MGAT4C: variants seen among roughly 807,000 people sequenced by gnomAD.
MGAT4C encodes the protein MGAT4 family member C.
In MGAT4C, 19 loss-of-function variants were observed where a neutral mutation model predicts 40.1. The observed-to-expected ratio is 0.47, with a 90% CI of 0.33 to 0.70. The LOEUF is 0.70. Among genes scored for constraint, MGAT4C ranks in the 30% least tolerant of loss-of-function variants. MGAT4C has a pLI of 0.02. For missense variants in MGAT4C, 491 were observed against 563.2 expected (o/e 0.87, Z 1.30); for synonymous variants, 181 against 187.1 (o/e 0.97, Z 0.27).
intron 2 of MGAT4C, among the ~76,000 whole-genome samples, chr12:86,602,810 C>T (rs184726226): frequency 1.3e-3 from 196 of 152,014 alleles, no homozygotes; most frequent in African/African-American, 4.5e-3. Flanking sequence ...AGTAGAATTA[C>T]CATACGATGC....
At chr12:86,807,461 T>A (rs1952380033) in intron 1 of MGAT4C, among the ~76,000 whole-genome samples, 1 of 152,096 alleles carries the variant, frequency 6.6e-6, no homozygotes, top group Non-Finnish European at 1.5e-5. Context: ...ATTTTATTCC[T>A]TTTTTGTGGC....
In MGAT4C at chr12:85,956,002, T is replaced by C. The variant is rs1443614077; in HGVS notation, c.*23287A>G. ...TTTTTGATGAAATTAAGTCCATGAA[T>C]ACATATAGTAAAATGTAGAGGTTTT... is the stretch of plus-strand genomic sequence containing the variant. On this transcript the variant is annotated 3_prime_UTR_variant, in exon 5 of 5. Transcript: ENST00000611864. 2.0e-5 allele frequency: 3 copies of C among 152,212 alleles called. No individual in the cohort carries two copies. The allele number at this position is 152,212 out of a possible 1,614,324, so 9.4% of individuals were successfully genotyped here.
chr12:86,410,692 T>C (rs559002559), intron 3 of MGAT4C, among the ~76,000 whole-genome samples: 2 of 152,288 alleles, frequency 1.3e-5, no homozygotes, highest in African/African-American at 4.8e-5. Context: ...AAGACAGGCA[T>C]AAGAAATTAT....
chr12:86,720,581 A>G (rs942682955), intron 2 of MGAT4C, among the ~76,000 whole-genome samples: 13 of 152,136 alleles, frequency 8.5e-5, no homozygotes, highest in South Asian at 2.1e-4. Flanking sequence ...CTTACTCCCT[A>G]TATCTCCTTT....
intron 1 of MGAT4C, among the ~76,000 whole-genome samples, chr12:86,132,735 T>G (rs1485575516): frequency 7.2e-6 from 1 of 138,868 alleles, no homozygotes; most frequent in Non-Finnish European, 1.5e-5. Context: ...GAGCTTGCTG[T>G]GAGCAGAGAT....
chr12:86,402,659 A>T (rs1956390447), intron 3 of MGAT4C, among the ~76,000 whole-genome samples: 1 of 152,018 alleles, frequency 6.6e-6, no homozygotes, highest in Non-Finnish European at 1.5e-5. Flanking sequence ...ATTTACCATG[A>T]TTTTTTCTAT....
chr12:86,317,735 C>T (rs1954278513), intron 4 of MGAT4C, among the ~76,000 whole-genome samples: 1 of 151,630 alleles, frequency 6.6e-6, no homozygotes, highest in Non-Finnish European at 1.5e-5. Context: ...ATAAATAACA[C>T]TGGAATGAAC....
intron 1 of MGAT4C, among the ~76,000 whole-genome samples, chr12:86,734,417 T>G (rs1473247582): frequency 6.6e-6 from 1 of 152,012 alleles, no homozygotes; most frequent in East Asian, 1.9e-4. Context: ...CGGAGCAGCG[T>G]GTCCTTCATT....
At chr12:86,248,520 G>A (rs1487512578) in intron 1 of MGAT4C, among the ~76,000 whole-genome samples, 1 of 151,850 alleles carries the variant, frequency 6.6e-6, no homozygotes, top group Non-Finnish European at 1.5e-5. Flanking sequence ...GTTATCACTT[G>A]CACGCTCTTA....
chr12:86,502,375 C>T lies in MGAT4C; in HGVS notation c.-228-67110G>A, dbSNP rs1006857850. 4.0e-5 allele frequency among the ~76,000 whole-genome samples: 6 copies of T among 151,858 alleles called. No homozygotes were observed. The South Asian group carries it at 6.2e-4, about 16-fold the overall frequency. ...GAAGAAAATATCATTAGGTAGAACC[C>T]AGGGGATCTTTAGGGCACTGAAACT... On this transcript the variant is annotated intron_variant, in intron 2 of 7. Transcript: ENST00000548651.
At chr12:86,280,306 A>T (rs1953184406) in intron 4 of MGAT4C, among the ~76,000 whole-genome samples, 3 of 151,960 alleles carry the variant, frequency 2.0e-5, no homozygotes, top group African/African-American at 7.2e-5. Flanking sequence ...TTTGCTTCAT[A>T]TATCTACGTT....
intron 1 of MGAT4C, among the ~76,000 whole-genome samples, chr12:86,090,696 C>G (rs1000334500): frequency 1.3e-5 from 2 of 151,852 alleles, no homozygotes; most frequent in African/African-American, 2.4e-5. Context: ...ACAATTTACT[C>G]ACACTCTTTC....
At chr12:86,434,302 T>C (rs1484512315) in intron 3 of MGAT4C, among the ~76,000 whole-genome samples, 3 of 151,982 alleles carry the variant, frequency 2.0e-5, no homozygotes, top group Non-Finnish European at 2.9e-5. Context: ...GGAAGGGCCA[T>C]ATAAATGAAA....
chr12:86,664,713 T>A (rs1964061513), intron 2 of MGAT4C, among the ~76,000 whole-genome samples: 7 of 152,124 alleles, frequency 4.6e-5, no homozygotes, highest in Admixed American at 4.6e-4. Context: ...TAAAGAAGAT[T>A]AAAAAATCTT....
intron 3 of MGAT4C, among the ~76,000 whole-genome samples, chr12:86,423,300 G>T (rs532650444): frequency 9.3e-4 from 141 of 151,700 alleles, no homozygotes; most frequent in African/African-American, 3.3e-3. Flanking sequence ...TGACATCTAT[G>T]AAGCAATATT....
intron 3 of MGAT4C, among the ~76,000 whole-genome samples, chr12:86,430,413 C>T (rs1242277889): frequency 6.6e-6 from 1 of 152,122 alleles, no homozygotes; most frequent in Non-Finnish European, 1.5e-5. Flanking sequence ...CAGGGATACA[C>T]ATGCATTATT....
chr12:86,029,694 G>A (rs1448298960), intron 2 of MGAT4C, among the ~76,000 whole-genome samples: 1 of 151,752 alleles, frequency 6.6e-6, no homozygotes, highest in Non-Finnish European at 1.5e-5. Context: ...TAATACTGTT[G>A]CCCATGATAT....
At chr12:86,705,212 T>TTA (rs1950432396) in intron 2 of MGAT4C, among the ~76,000 whole-genome samples, 1 of 133,866 alleles carries the variant, frequency 7.5e-6, no homozygotes, top group Non-Finnish European at 1.6e-5. Context: ...TATCTGTCTA[T>TTA]TATCTCTATC....
rs539548909 is a variant in MGAT4C, at chr12:86,570,218, T to C, written c.-228-134953A>G. On this transcript the variant is annotated intron_variant, in intron 2 of 7. Coordinates refer to the MGAT4C transcript ENST00000548651. ...GTGTTCTCACCACAAAAAAGACAAG[T>C]AGTGAAGTAGTGCATATGTAATTAG... Among the ~76,000 whole-genome samples, 135 of 152,238 alleles carry C rather than the reference T, an allele frequency of 8.9e-4. 1 individual carries two copies. Among genetic ancestry groups the C allele is most frequent in the East Asian group, 9.7e-4 (5 of 5,178 alleles).
Sources: allele counts gnomAD v4.1 joint callset (sites outside exome capture counted in the v4.1 genomes callset), GRCh38; gene constraint gnomAD v4.1.1; transcripts MANE v1.5; gene names NCBI Gene and HGNC (gene_info 2026-07-23, HGNC 2026-07-21).